Variants in TET3 observed in about 807,000 individuals in gnomAD.
TET3 encodes tet methylcytosine dioxygenase 3.
In TET3, 19 loss-of-function variants were observed where a neutral mutation model predicts 141.4. That is an observed-to-expected ratio of 0.13 (90% CI 0.09 to 0.20). The LOEUF is 0.20. TET3 is among the 10% of genes least tolerant of loss of function. TET3 has a pLI of 1.00. For missense variants in TET3, 1,874 were observed against 2,356.9 expected, an observed-to-expected ratio of 0.80 and a Z score of 4.24; for synonymous variants, 1,043 against 980.9, an observed-to-expected ratio of 1.06 and a Z score of -1.18.
intron 2 of TET3, among the ~76,000 whole-genome samples, chr2:73,998,071 G>A (rs1047583439): frequency 2.0e-5 from 3 of 152,102 alleles, no homozygotes; most frequent in Admixed American, 6.5e-5. Flanking sequence ...TGATGCTGGC[G>A]GCAGGGGTGT....
intron 4 of TET3, among the ~76,000 whole-genome samples, chr2:74,057,992 T>C (rs1462561996): frequency 6.6e-6 from 1 of 152,218 alleles, no homozygotes; most frequent in Non-Finnish European, 1.5e-5. Context: ...TTTAAACCGC[T>C]GATTTATATC....
At chr2:74,070,581 T>TCATTGCGGAATATATTC (rs1207055892) in intron 4 of TET3, among the ~76,000 whole-genome samples, 1 of 152,242 alleles carries the variant, frequency 6.6e-6, no homozygotes, top group African/African-American at 2.4e-5. Context: ...TTTCTGATTT[T>TCATTGCGGAATATATTC]CATTGCGGAA....
intron 4 of TET3, among the ~76,000 whole-genome samples, chr2:74,069,869 A>T (rs1689110556): frequency 6.6e-6 from 1 of 152,144 alleles, no homozygotes; most frequent in African/African-American, 2.4e-5. Context: ...AAGTGCTGGG[A>T]TTACAGGTGT....
At chr2:74,075,320 CTTTT>C (rs971111434) in intron 5 of TET3, among the ~76,000 whole-genome samples, 4 of 89,078 alleles carry the variant, frequency 4.5e-5, no homozygotes, top group South Asian at 3.4e-4. Flanking sequence ...GAGCCAAATA[CTTTT>C]TTTTTTTTTT....
intron 10 of TET3, among the ~76,000 whole-genome samples, chr2:74,096,921 A>G (rs189649313): frequency 6.7e-4 from 102 of 151,948 alleles, no homozygotes; most frequent in African/African-American, 1.5e-3. Context: ...GCAAAACCCT[A>G]TCTCTACAAA....
chr2:74,096,747 A>C (rs112021374), intron 10 of TET3, among the ~76,000 whole-genome samples: 65 of 146,360 alleles, frequency 4.4e-4, no homozygotes, highest in African/African-American at 1.6e-3. Context: ...CAGCCTGTGC[A>C]ATAAGAGCAA....
chr2:73,999,771 TGG>T (rs1684756811), intron 2 of TET3, among the ~76,000 whole-genome samples: 1 of 151,828 alleles, frequency 6.6e-6, no homozygotes, highest in Non-Finnish European at 1.5e-5. Flanking sequence ...CAGATAGAGA[TGG>T]GAGGAGGATC....
downstream of TET3, among the ~76,000 whole-genome samples, chr2:74,110,000 A>G (rs545460715): frequency 6.6e-6 from 1 of 152,324 alleles, no homozygotes; most frequent in African/African-American, 2.4e-5. Context: ...AGACAGGCTA[A>G]TGATACCACA....
chr2:74,074,304 A>G (rs1026224426), intron 5 of TET3, among the ~76,000 whole-genome samples: 5 of 152,214 alleles, frequency 3.3e-5, no homozygotes, highest in African/African-American at 1.2e-4. Flanking sequence ...AGGGGCACTC[A>G]TGACTACACA....
Position 74,046,401 on chromosome 2 carries a change from C to T in TET3, c.484C>T (p.Pro162Ser). 6.4e-7 allele frequency: 1 copy of T among 1,567,846 alleles called. No individual in the cohort carries two copies. Among genetic ancestry groups the T allele is most frequent in the Admixed American group, 1.9e-5 (1 of 53,758 alleles). ...GGTGCCGGTCAATGGTGCTAGAGAG[C>T]CCGCTGGACCCAGTCTGCTGGGGAC... The part of the protein sequence containing the change: ...SGVPVNGARE[P>S]AGPSLLGTGG... The change falls in exon 4 of 12, where the codon CCC becomes TCC. Residue 162 changes from proline (P) to serine (S), a missense_variant. Around this residue, in one of 10 missense-constraint regions of TET3, gnomAD observed 366 missense variants for 487.0 expected, o/e 0.75. Coordinates refer to ENST00000409262, the MANE Select transcript of TET3 (RefSeq NM_001287491.2). This position sits in a 1 kb window ranked among gnomAD's most constrained non-coding sequence, Gnocchi z 4.3.
intron 3 of TET3, among the ~76,000 whole-genome samples, chr2:74,013,767 G>A (rs888142355): frequency 5.9e-5 from 9 of 152,112 alleles, no homozygotes; most frequent in East Asian, 1.9e-4. Flanking sequence ...AGCCGAGATC[G>A]CACCACTGCC....
In TET3 at chr2:73,986,233, G is replaced by GT; in HGVS notation, c.-170dup. 8.3e-6 allele frequency: 4 copies of GT among 480,782 alleles called. No individual in the cohort carries two copies. Among genetic ancestry groups the GT allele is most frequent in the Non-Finnish European group, 9.9e-6 (3 of 302,676 alleles). 29.8% of individuals were successfully genotyped at this position (480,782 alleles called of 1,614,324 possible). The stretch of plus-strand genomic sequence containing the variant: ...GTCCGATCAGACTGCTGCAGAGGAG[G>GT]TGAAGAGGGGTTGAGAAGAGGCATC... On this transcript the variant is annotated 5_prime_UTR_variant, in exon 2 of 12. The change abolishes the stop of an existing upstream ORF in the 5' untranslated region. Coordinates refer to ENST00000409262, the MANE Select transcript of TET3 (RefSeq NM_001287491.2).
the TET3 span, among the ~76,000 whole-genome samples, chr2:74,115,037 G>T: frequency 1.3e-5 from 2 of 152,020 alleles, no homozygotes; most frequent in East Asian, 3.9e-4. Flanking sequence ...CAGGACATTG[G>T]TCTAGGAAAA....
At chr2:74,088,080 G>A in intron 7 of TET3, 42 bp downstream of exon 7, 1 of 1,533,270 alleles carries the variant, frequency 6.5e-7, no homozygotes, top group Non-Finnish European at 8.8e-7. Flanking sequence ...CACCTATAGG[G>A]TCCTGGGCAG....
rs1467412695 is a variant in TET3, at chr2:74,101,502, G to T, written c.4714G>T (p.Ala1572Ser). 6.2e-7 allele frequency: 1 copy of T among 1,612,812 alleles called. No individual in the cohort carries two copies. Among genetic ancestry groups the T allele is most frequent in the African/African-American group, 1.3e-5 (1 of 74,910 alleles). The change falls in exon 12 of 12, where the codon GCC (alanine) becomes TCC (serine). Residue 1572 changes from alanine (A) to serine (S), a missense_variant. Ala to Ser is a moderately conservative substitution (Grantham distance 99). Around this residue, in one of 10 missense-constraint regions of TET3, gnomAD observed 602 missense variants for 590.2 expected, o/e 1.02. Coordinates refer to ENST00000409262, the MANE Select transcript of TET3 (RefSeq NM_001287491.2). The surrounding 1 kb of genome is among the most constrained non-coding windows in gnomAD (Gnocchi z 8.5). ...GEEGRIPAAG[A>S]SQLDRAWQSF... ...GGAGGGCAGGATTCCAGCCGCAGGG[G>T]CCAGCCAGCTGGACAGGGCCTGGCA...
rs910819873 is a variant in TET3, at chr2:74,093,967, G to T, written c.3267+301G>T. 2.0e-5 allele frequency among the ~76,000 whole-genome samples: 3 copies of T among 152,232 alleles called. No individual in the cohort carries two copies. The highest frequency in any genetic ancestry group is 6.5e-5 in the Admixed American group (1 of 15,292). On this transcript the variant is annotated intron_variant, in intron 10 of 11. Coordinates refer to ENST00000409262, the MANE Select transcript of TET3 (RefSeq NM_001287491.2). This position sits in a 1 kb window ranked among gnomAD's most constrained non-coding sequence, Gnocchi z 4.2. Reference sequence around the variant, plus strand: ...TAAAGCGTGGGCCCCGGTCTCTGTGGACACTTGGATTTAAATGCAAACAAA... The same window carrying T: ...TAAAGCGTGGGCCCCGGTCTCTGTGTACACTTGGATTTAAATGCAAACAAA...
At chr2:74,133,253 G>T in the TET3 span, among the ~76,000 whole-genome samples, 1 of 152,104 alleles carries the variant, frequency 6.6e-6, no homozygotes, top group Non-Finnish European at 1.5e-5. Flanking sequence ...ATAAGTGAGA[G>T]TCCCCCGTGT....
At chr2:74,007,858 G>A (rs569370085) in intron 3 of TET3, among the ~76,000 whole-genome samples, 2 of 152,242 alleles carry the variant, frequency 1.3e-5, no homozygotes, top group South Asian at 4.1e-4. Flanking sequence ...AAACTAAAAC[G>A]TGGTCCCACT....
chr2:74,065,742 C>G (rs1688863183), intron 4 of TET3, among the ~76,000 whole-genome samples: 1 of 135,306 alleles, frequency 7.4e-6, no homozygotes, highest in South Asian at 2.4e-4. Flanking sequence ...CCTTTCTTTC[C>G]TTTCCTCTTC....
Sources: allele counts gnomAD v4.1 joint callset (sites outside exome capture counted in the v4.1 genomes callset), GRCh38; gene constraint gnomAD v4.1.1; regional missense constraint gnomAD v4.1.1; non-coding constraint Gnocchi (gnomAD v3.1); transcripts MANE v1.5; gene names NCBI Gene and HGNC (gene_info 2026-07-23, HGNC 2026-07-21).